ATG2B: variants seen among roughly 807,000 people sequenced by gnomAD.
ATG2B encodes autophagy related 2B.
ATG2B carries 121 observed loss-of-function variants against 241.3 expected under a neutral mutation model. The ratio of observed to expected loss-of-function variants is 0.50; its 90% CI spans 0.43 to 0.58. The LOEUF is 0.58. Among genes scored for constraint, ATG2B ranks in the 20% least tolerant of loss-of-function variants. ATG2B has a pLI of 0.00. For missense variants in ATG2B, 2,306 were observed against 2,491.6 expected, an observed-to-expected ratio of 0.93 and a Z score of 1.59; for synonymous variants, 858 against 876.6, an observed-to-expected ratio of 0.98 and a Z score of 0.37.
At chr14:96,340,654 T>C (rs1888008276) in intron 6 of ATG2B, among the ~76,000 whole-genome samples, 1 of 152,122 alleles carries the variant, frequency 6.6e-6, no homozygotes, top group Admixed American at 6.5e-5. Flanking sequence ...GGCTCATGCC[T>C]ATAATCCCAA....
intron 1 of ATG2B, among the ~76,000 whole-genome samples, chr14:96,357,867 CTCATA>C (rs1888521296): frequency 1.3e-5 from 2 of 152,046 alleles, no homozygotes; most frequent in South Asian, 4.1e-4. Flanking sequence ...TACTTCATAC[CTCATA>C]TATTTCTTTA....
Position 96,363,106 on chromosome 14 carries a change from G to T in ATG2B, c.-130C>A, listed in dbSNP as rs1253906592. ...GGCCCCTCCATCCCTATTTGGTGCC[G>T]GGAGTCCCTCAGGGAGACCCCATCG... On this transcript the variant is annotated 5_prime_UTR_variant, in exon 1 of 42. Coordinates refer to ENST00000359933, the MANE Select transcript of ATG2B (RefSeq NM_018036.7). 1.2e-5 allele frequency: 13 copies of T among 1,069,270 alleles called. No individual in the cohort carries two copies. The highest frequency in any genetic ancestry group is 2.3e-5 in the Admixed American group (1 of 43,876). The allele number at this position is 1,069,270 out of a possible 1,614,324, so 66.2% of individuals were successfully genotyped here.
At chr14:96,348,038 G>A (rs1180855113) in intron 1 of ATG2B, among the ~76,000 whole-genome samples, 1 of 152,186 alleles carries the variant, frequency 6.6e-6, no homozygotes, top group African/African-American at 2.4e-5. Context: ...ACGCTCCCAT[G>A]TTTACTGCAG....
Position 96,323,973 on chromosome 14 carries a change from A to T in ATG2B, c.2463T>A (p.Asp821Glu), listed in dbSNP as rs370582682. 5 of 1,607,524 alleles carry T rather than the reference A, an allele frequency of 3.1e-6. No homozygotes were observed. The East Asian group carries it at 1.1e-4, about 36-fold the overall frequency. Reference sequence around the variant, plus strand: ...ACACATGGAAAAACTTAATAGATGGATCTCCTTTCTCTTCCTGGAACGATC... The same window carrying T: ...ACACATGGAAAAACTTAATAGATGGTTCTCCTTTCTCTTCCTGGAACGATC... ...LIGSFQEEKG[D>E]PSIKFFHVSS... is the part of the protein sequence containing the mutation. Residue 821 changes from aspartate to glutamate, a missense_variant, in exon 16 of 42, where the codon GAT becomes GAA. Transcript: ENST00000359933.
chr14:96,317,128 G>A lies in ATG2B; in HGVS notation c.3210+17C>T, dbSNP rs376791302. ...TAAGATACATTTGAAAAAACACTTC[G>A]GATTTGTAAACCTCACCTTCACATC... On this transcript the variant is annotated intron_variant, in intron 20 of 41. Coordinates refer to ENST00000359933, the MANE Select transcript of ATG2B (RefSeq NM_018036.7). 35 of 1,582,718 alleles carry A rather than the reference G, an allele frequency of 2.2e-5. No homozygotes were observed. The highest frequency in any genetic ancestry group is 2.0e-4 in the African/African-American group (15 of 73,366).
In ATG2B at chr14:96,333,885, C is replaced by T. The variant is rs758034231; in HGVS notation, c.1022-12G>A. 3 of 1,605,884 alleles carry T rather than the reference C, an allele frequency of 1.9e-6. No homozygotes were observed. Among genetic ancestry groups the T allele is most frequent in the Non-Finnish European group, 2.6e-6 (3 of 1,173,910 alleles). ...TTTGCTAGAATTTTCTATAAGCATA[C>T]AAAAGGAAACCAAAACAGTAATTAA... is the stretch of plus-strand genomic sequence containing the variant. On this transcript the variant is annotated splice_polypyrimidine_tract_variant and intron_variant, in intron 7 of 41. Coordinates refer to ENST00000359933, the MANE Select transcript of ATG2B (RefSeq NM_018036.7).
intron 7 of ATG2B, 34 bp downstream of exon 7, chr14:96,334,371 T>C: frequency 7.2e-7 from 1 of 1,393,722 alleles, no homozygotes; most frequent in Non-Finnish European, 9.8e-7. Context: ...TTTAAAAAAG[T>C]AACAAGTATA....
intron 18 of ATG2B, 98 bp downstream of exon 18, chr14:96,322,014 T>A (rs779554058): frequency 3.5e-6 from 3 of 866,608 alleles, no homozygotes; most frequent in Non-Finnish European, 5.2e-6. Context: ...AGATGGCATA[T>A]AATATTCAGG....
chr14:96,352,163 G>T (rs1056331182), intron 1 of ATG2B, among the ~76,000 whole-genome samples: 3 of 152,242 alleles, frequency 2.0e-5, no homozygotes, highest in African/African-American at 7.2e-5. Context: ...TAGTGACATC[G>T]CAGCCATCAT....
At chr14:96,304,296 CAAAAAT>C (rs1389962940) in intron 32 of ATG2B, among the ~76,000 whole-genome samples, 193 bp downstream of exon 32, 2 of 152,122 alleles carry the variant, frequency 1.3e-5, no homozygotes, top group African/African-American at 4.8e-5. Context: ...CCCAGACAAA[CAAAAAT>C]AAAAGAAAAA....
chr14:96,337,975 A>T (rs1566730680), intron 6 of ATG2B, among the ~76,000 whole-genome samples: 1 of 152,170 alleles, frequency 6.6e-6, no homozygotes, highest in Non-Finnish European at 1.5e-5. Context: ...TTCCACTTGT[A>T]GAGAGATTCA....
chr14:96,352,915 C>G (rs975254557), intron 1 of ATG2B, among the ~76,000 whole-genome samples: 4 of 152,200 alleles, frequency 2.6e-5, no homozygotes, highest in Non-Finnish European at 4.4e-5. Flanking sequence ...CCTTCACATT[C>G]ACTCACTGAC....
At chr14:96,299,487 A>T (rs933256327) in intron 34 of ATG2B, among the ~76,000 whole-genome samples, 10 of 152,244 alleles carry the variant, frequency 6.6e-5, no homozygotes, top group African/African-American at 2.4e-4. Context: ...ATCCTAATAT[A>T]AAACTTGGGA....
rs2139848066 is a variant in ATG2B at position 96,303,188 on chromosome 14, G to A, written c.4910C>T (p.Pro1637Leu). The A allele has an allele frequency of 6.2e-7, 1 of 1,612,730 alleles. No homozygotes were observed. The highest frequency in any genetic ancestry group is 8.5e-7 in the Non-Finnish European group (1 of 1,179,370). ...PDCDSSLSEH[P>L]VSRQVFIVQD... ...AACAATGAACACCTGCCGGGAGACT[G>A]GGTGTTCTGAGAGGCTGGAATCACA... The change falls in exon 33 of 42, where the codon CCA becomes CTA. Residue 1637 changes from proline (P) to leucine (L), a missense_variant. Physicochemically the swap from Pro to Leu is moderately conservative, Grantham distance 98. This residue lies in a region of ATG2B where 1,927 missense variants were observed against 2,011.2 expected (regional missense o/e 0.96). Transcript: ENST00000359933.
chr14:96,333,601 ACTT>A (rs1887796100), intron 8 of ATG2B, 84 bp downstream of exon 8: 3 of 1,251,512 alleles, frequency 2.4e-6, no homozygotes, highest in African/African-American at 1.5e-5. Flanking sequence ...TCATTCCTAA[ACTT>A]CTGTTCACAG....
rs532785289 is a variant in ATG2B at position 96,331,467 on chromosome 14, T to C, written c.1639A>G (p.Ile547Val). Residue 547 changes from isoleucine (I) to valine (V), a missense_variant, in exon 11 of 42, where the codon ATA (isoleucine) becomes GTA (valine). Coordinates refer to ENST00000359933, the MANE Select transcript of ATG2B (RefSeq NM_018036.7). ...TPMAVAFFTC[I>V]EKIDPARFST... is the part of the protein sequence containing the mutation. ...AATCTTGCTGGATCAATCTTTTCTA[T>C]ACAAGTAAAGAAAGCTACTGCCATA... 3 of 1,614,048 alleles carry C rather than the reference T, an allele frequency of 1.9e-6. No individual in the cohort carries two copies. The highest frequency in any genetic ancestry group is 1.3e-5 in the African/African-American group (1 of 75,038).
In ATG2B at chr14:96,362,936, CAG is replaced by C; in HGVS notation, c.39_40del (p.Cys14ProfsTer44). ...CAGGTACCTCTGCAGGAGGTACCGG[CAG>C]GCCCTCTTCTTGATGGACTCCGAAA... On this transcript the variant is annotated frameshift_variant, in exon 1 of 42. Coordinates refer to ENST00000359933, the MANE Select transcript of ATG2B (RefSeq NM_018036.7). LOFTEE classifies it high-confidence loss of function. 6.2e-7 allele frequency: 1 copy of C among 1,613,578 alleles called. No individual in the cohort carries two copies. The highest frequency in any genetic ancestry group is 8.5e-7 in the Non-Finnish European group (1 of 1,179,918).
intron 25 of ATG2B, among the ~76,000 whole-genome samples, chr14:96,312,720 A>G (rs1887194606): frequency 6.6e-6 from 1 of 152,210 alleles, no homozygotes; most frequent in African/African-American, 2.4e-5. Flanking sequence ...ACTGCATTCC[A>G]GCCTGGGCCA....
chr14:96,328,759 G>A lies in ATG2B; in HGVS notation c.1889C>T (p.Thr630Met), dbSNP rs539544997. ...ACCAGTTTCTTCTTTGGAATGGAAC[G>A]TTAAAAGCTTAAAAGTAAAGATGAA... ...SVPPHYTELL[T>M]FHSKEETGSH... The change falls in exon 13 of 42, where the codon ACG (threonine) becomes ATG (methionine). Residue 630 changes from threonine (T) to methionine (M), a missense_variant. Physicochemically the swap from Thr to Met is moderately conservative, Grantham distance 81. Around this residue, in one of 2 missense-constraint regions of ATG2B, gnomAD observed 1,927 missense variants for 2,011.2 expected, o/e 0.96. Coordinates refer to ENST00000359933, the MANE Select transcript of ATG2B (RefSeq NM_018036.7). 123 of 1,606,424 alleles carry A rather than the reference G, an allele frequency of 7.7e-5. No individual in the cohort carries two copies. The South Asian group carries it at 1.1e-3, about 15-fold the overall frequency.
Sources: gnomAD v4.1 joint callset for allele counts (sites outside exome capture counted in the v4.1 genomes callset) on GRCh38, gnomAD v4.1.1 for gene constraint, gnomAD v4.1.1 regional missense constraint, MANE v1.5 for transcripts, NCBI Gene and HGNC (gene_info 2026-07-23, HGNC 2026-07-21) for gene names.